Variants in HSPB6 observed in about 807,000 individuals in gnomAD.
The protein encoded by HSPB6 is heat shock protein beta-6.
Under a neutral mutation model 10.7 loss-of-function variants are expected in HSPB6, and 8 were observed. The observed-to-expected ratio is 0.75, with a 90% CI of 0.44 to 1.35. HSPB6 has a LOEUF of 1.35. Among genes scored for constraint, HSPB6 ranks in the 40% most tolerant of loss-of-function variants. HSPB6 has a pLI of 0.00. For missense variants in HSPB6, 232 were observed against 236.0 expected (o/e 0.98, Z 0.11); for synonymous variants, 128 against 114.2 (o/e 1.12, Z -0.77).
At position 35,755,263 on chromosome 19, in the gene HSPB6, G is replaced by GT. The variant is rs897910588; in HGVS notation, c.*258dup. 9 of 649,514 alleles carry GT rather than the reference G, an allele frequency of 1.4e-5. No individual in the cohort carries two copies. The African/African-American group carries it at 1.5e-4, about 11-fold the overall frequency. 40.2% of individuals were successfully genotyped at this position (649,514 alleles called of 1,614,324 possible). A position where few individuals can be genotyped will look rare whatever the true frequency, so the allele number is the denominator to read the frequency against. ...CTGAGACTGTCGGCTGAGGGTTAGG[G>GT]TAGTGCTGGTAGGGTCTGGAAGCCG... On this transcript the variant is annotated 3_prime_UTR_variant, in exon 3 of 3. Coordinates refer to ENST00000004982, the MANE Select transcript of HSPB6 (RefSeq NM_144617.3).
chr19:35,756,738 T>C (rs1205172006), intron 1 of HSPB6, 73 bp downstream of exon 1: 2 of 1,455,478 alleles, frequency 1.4e-6, no homozygotes, highest in African/African-American at 2.8e-5. Flanking sequence ...TTCTCTCACA[T>C]GTTCCCACCC....
rs1353240058 is a variant in HSPB6, at chr19:35,754,841, C to T, written c.*681G>A. Reference sequence around the variant, plus strand: ...GGAGGTTGGGGTGGGAGAGTCTGTACAGTTTGGTGTTGGGTGTTCTAGTTG... The same window carrying T: ...GGAGGTTGGGGTGGGAGAGTCTGTATAGTTTGGTGTTGGGTGTTCTAGTTG... On this transcript the variant is annotated 3_prime_UTR_variant, in exon 3 of 3. Coordinates refer to ENST00000004982, the MANE Select transcript of HSPB6 (RefSeq NM_144617.3). The T allele has an allele frequency of 8.1e-6, 3 of 369,864 alleles. No individual in the cohort carries two copies. Among genetic ancestry groups the T allele is most frequent in the Admixed American group, 3.9e-5 (1 of 25,424 alleles). 22.9% of individuals were successfully genotyped at this position (369,864 alleles called of 1,614,324 possible).
In HSPB6 at chr19:35,756,821, G is replaced by A; in HGVS notation, c.188C>T (p.Pro63Leu). 1 of 1,536,072 alleles carries A rather than the reference G, an allele frequency of 6.5e-7. No homozygotes were observed. The highest frequency in any genetic ancestry group is 8.7e-7 in the Non-Finnish European group (1 of 1,146,636). ...YYLRAPSVAL[P>L]VAQVPTDPGH... is the part of the protein sequence containing the mutation. ...CCCCAGGCCTGGCACCTGGGCGACG[G>A]GCAGCGCCACGCTGGGTGCGCGCAG... The change falls in exon 1 of 3, where the codon CCC becomes CTC. Residue 63 changes from proline (P) to leucine (L), a missense_variant. Physicochemically the swap from Pro to Leu is moderately conservative, Grantham distance 98. Coordinates refer to ENST00000004982, the MANE Select transcript of HSPB6 (RefSeq NM_144617.3).
In HSPB6 at chr19:35,755,547, G is replaced by T. The variant is rs1479469357; in HGVS notation, c.458C>A (p.Ala153Asp). The T allele has an allele frequency of 1.6e-5, 24 of 1,525,834 alleles. No homozygotes were observed. Among genetic ancestry groups the T allele is most frequent in the Non-Finnish European group, 2.1e-5 (24 of 1,141,648 alleles). The allele number at this position is 1,525,834 out of a possible 1,614,324, so 94.5% of individuals were successfully genotyped here. The change falls in exon 3 of 3, where the codon GCC becomes GAC. Residue 153 changes from alanine (A) to aspartate (D), a missense_variant. Coordinates refer to ENST00000004982, the MANE Select transcript of HSPB6 (RefSeq NM_144617.3). ...SIQAAPASAQ[A>D]PPPAAAK ...CTACTTGGCTGCGGCTGGCGGTGGG[G>T]CCTGGGCCGACGCTGGTGCGGCCTG...
intron 1 of HSPB6, 135 bp downstream of exon 1, chr19:35,756,676 C>A: frequency 1.1e-6 from 1 of 881,312 alleles, no homozygotes; most frequent in Admixed American, 2.2e-5. Flanking sequence ...CCATTGACTC[C>A]GGAAGCCCTT....
chr19:35,756,612 C>A (rs372081428), intron 1 of HSPB6, among the ~76,000 whole-genome samples, 199 bp downstream of exon 1: 145 of 152,280 alleles, frequency 9.5e-4, no homozygotes, highest in African/African-American at 3.2e-3. Flanking sequence ...CCCCGCCCCC[C>A]ACCTAAGAGC....
rs758747030 is a variant in HSPB6, at chr19:35,755,451, C to G, written c.*71G>C. On this transcript the variant is annotated 3_prime_UTR_variant, in exon 3 of 3. Coordinates refer to ENST00000004982, the MANE Select transcript of HSPB6 (RefSeq NM_144617.3). ...GGCGCACTCGGGACATCTGGCTGGG[C>G]GGAGTCAGATCGGCTTTAATAGAGG... 2 of 1,450,338 alleles carry G rather than the reference C, an allele frequency of 1.4e-6. No homozygotes were observed. Among genetic ancestry groups the G allele is most frequent in the Non-Finnish European group, 1.9e-6 (2 of 1,071,648 alleles). 89.8% of individuals were successfully genotyped at this position (1,450,338 alleles called of 1,614,324 possible). A position where few individuals can be genotyped will look rare whatever the true frequency, so the allele number is the denominator to read the frequency against.
rs1239847675 is a variant in HSPB6, at chr19:35,755,306, G to A, written c.*216C>T. Reference sequence around the variant, plus strand: ...GGAAGCCGGGGAGTTGTCGGTGTGGGGTCGGAAAGCTGGAGGGGGTGTGAG... The same window carrying A: ...GGAAGCCGGGGAGTTGTCGGTGTGGAGTCGGAAAGCTGGAGGGGGTGTGAG... On this transcript the variant is annotated 3_prime_UTR_variant, in exon 3 of 3. Transcript: ENST00000004982. The A allele has an allele frequency of 1.5e-6, 1 of 683,782 alleles. No homozygotes were observed. The highest frequency in any genetic ancestry group is 2.6e-6 in the Non-Finnish European group (1 of 380,882). The allele number at this position is 683,782 out of a possible 1,614,324, so 42.4% of individuals were successfully genotyped here. A position where few individuals can be genotyped will look rare whatever the true frequency, so the allele number is the denominator to read the frequency against.
In HSPB6 at chr19:35,756,874, G is replaced by C; in HGVS notation, c.135C>G (p.Leu45=). ...AGTAGGGGGCGAGCGTGGTGGGGCA[G>C]AGCGCAGCCAGCTCGGCCTCCAGCA... ...EGLLEAELAA[L]CPTTLAPYYL... is the part of the protein sequence containing the mutation. The change falls in exon 1 of 3, where the codon CTC becomes CTG. Residue 45 remains leucine (L), a synonymous_variant. Coordinates refer to ENST00000004982, the MANE Select transcript of HSPB6 (RefSeq NM_144617.3). The C allele has an allele frequency of 6.5e-7, 1 of 1,537,566 alleles. No homozygotes were observed. The highest frequency in any genetic ancestry group is 1.2e-5 in the South Asian group (1 of 83,870).
chr19:35,754,981 C>T lies in HSPB6; in HGVS notation c.*541G>A. The T allele has an allele frequency of 3.8e-6, 1 of 260,956 alleles. No homozygotes were observed. Among genetic ancestry groups the T allele is most frequent in the Non-Finnish European group, 7.3e-6 (1 of 137,922 alleles). 16.2% of individuals were successfully genotyped at this position (260,956 alleles called of 1,614,324 possible). ...GGGGCAGTTGTAGACTGTCTGGTTG[C>T]AGGGGAAGGATCGGGTCTTGGGAAC... On this transcript the variant is annotated 3_prime_UTR_variant, in exon 3 of 3. Coordinates refer to ENST00000004982, the MANE Select transcript of HSPB6 (RefSeq NM_144617.3).
chr19:35,755,047 G>A lies in HSPB6; in HGVS notation c.*475C>T, dbSNP rs1213889589. The A allele has an allele frequency of 3.9e-5, 12 of 304,080 alleles. No homozygotes were observed. In the East Asian group the frequency reaches 1.4e-3, roughly 36 times the overall value. 18.8% of individuals were successfully genotyped at this position (304,080 alleles called of 1,614,324 possible). A position where few individuals can be genotyped will look rare whatever the true frequency, so the allele number is the denominator to read the frequency against. On this transcript the variant is annotated 3_prime_UTR_variant, in exon 3 of 3. Coordinates refer to ENST00000004982, the MANE Select transcript of HSPB6 (RefSeq NM_144617.3). Reference sequence around the variant, plus strand: ...TGGAGTGGGAGGTCTGTGCAGTCCAGGACGTTTGGGGGGTGGGGGGATTGT... The same window carrying A: ...TGGAGTGGGAGGTCTGTGCAGTCCAAGACGTTTGGGGGGTGGGGGGATTGT...
At position 35,755,209 on chromosome 19, in the gene HSPB6, C is replaced by T. The variant is rs1970737700; in HGVS notation, c.*313G>A. On this transcript the variant is annotated 3_prime_UTR_variant, in exon 3 of 3. Coordinates refer to ENST00000004982, the MANE Select transcript of HSPB6 (RefSeq NM_144617.3). Reference sequence around the variant, plus strand: ...AGTAGAGGAGGGGTCTTAAGTGGGGCTATATGCCAAGAAAGTGGGTCGGTG... The same window carrying T: ...AGTAGAGGAGGGGTCTTAAGTGGGGTTATATGCCAAGAAAGTGGGTCGGTG... 1 of 546,504 alleles carries T rather than the reference C, an allele frequency of 1.8e-6. No individual in the cohort carries two copies. The highest frequency in any genetic ancestry group is 2.0e-5 in the African/African-American group (1 of 49,350). 33.9% of individuals were successfully genotyped at this position (546,504 alleles called of 1,614,324 possible).
Position 35,754,716 on chromosome 19 carries a change from A to T in HSPB6, c.*806T>A. 3.5e-6 allele frequency: 2 copies of T among 568,108 alleles called. No individual in the cohort carries two copies. The highest frequency in any genetic ancestry group is 1.9e-5 in the African/African-American group (1 of 52,408). 35.2% of individuals were successfully genotyped at this position (568,108 alleles called of 1,614,324 possible). A position where few individuals can be genotyped will look rare whatever the true frequency, so the allele number is the denominator to read the frequency against. ...GAGGGTGGGAGGTGGGTTGCCGAGG[A>T]TATCTGGTTGAAGACTTGGGGGTCA... On this transcript the variant is annotated 3_prime_UTR_variant, in exon 3 of 3. Coordinates refer to ENST00000004982, the MANE Select transcript of HSPB6 (RefSeq NM_144617.3).
Position 35,756,825 on chromosome 19 carries a change from G to A in HSPB6, c.184C>T (p.Leu62=), listed in dbSNP as rs1483779827. The A allele has an allele frequency of 1.3e-6, 2 of 1,536,232 alleles. No homozygotes were observed. Among genetic ancestry groups the A allele is most frequent in the South Asian group, 2.4e-5 (2 of 83,924 alleles). The change falls in exon 1 of 3, where the codon CTG becomes TTG. Residue 62 remains leucine, a synonymous_variant. Transcript: ENST00000004982. ...AGGCCTGGCACCTGGGCGACGGGCA[G>A]CGCCACGCTGGGTGCGCGCAGGTAG... is the stretch of plus-strand genomic sequence containing the variant. ...PYYLRAPSVA[L]PVAQVPTDPG...
At position 35,755,322 on chromosome 19, in the gene HSPB6, G is replaced by C. The variant is rs370292442; in HGVS notation, c.*200C>G. ...TCGGTGTGGGGTCGGAAAGCTGGAGGGGGTGTGAGAGCGAGGGTGTCAGTG... is the reference window on the plus strand; with the variant it reads ...TCGGTGTGGGGTCGGAAAGCTGGAGCGGGTGTGAGAGCGAGGGTGTCAGTG... On this transcript the variant is annotated 3_prime_UTR_variant, in exon 3 of 3. Coordinates refer to ENST00000004982, the MANE Select transcript of HSPB6 (RefSeq NM_144617.3). The C allele has an allele frequency of 4.3e-6, 3 of 699,604 alleles. No individual in the cohort carries two copies. The highest frequency in any genetic ancestry group is 7.7e-6 in the Non-Finnish European group (3 of 391,124). The allele number at this position is 699,604 out of a possible 1,614,324, so 43.3% of individuals were successfully genotyped here.
Position 35,755,889 on chromosome 19 carries a change from C to T in HSPB6, c.204G>A (p.Pro68=), listed in dbSNP as rs770582031. The T allele has an allele frequency of 1.6e-5, 25 of 1,566,106 alleles. No homozygotes were observed. The highest frequency in any genetic ancestry group is 4.5e-4 in the Middle Eastern group (2 of 4,492). The change falls in exon 2 of 3, where the codon CCG becomes CCA. Residue 68 remains proline (P), a synonymous_variant. Coordinates refer to ENST00000004982, the MANE Select transcript of HSPB6 (RefSeq NM_144617.3). ...GCACCGAAAAGTGGCCGGGGTCCGT[C>T]GGCACCTGAGCGCAGCGGGCGCGGG... is the stretch of plus-strand genomic sequence containing the variant. ...PSVALPVAQV[P]TDPGHFSVLL... is the part of the protein sequence containing the mutation.
At position 35,756,781 on chromosome 19, in the gene HSPB6, G is replaced by A. The variant is rs1401136555; in HGVS notation, c.198+30C>T. 2.6e-6 allele frequency: 4 copies of A among 1,532,806 alleles called. No homozygotes were observed. The African/African-American group carries it at 4.1e-5, about 16-fold the overall frequency. The allele number at this position is 1,532,806 out of a possible 1,614,324, so 95.0% of individuals were successfully genotyped here. On this transcript the variant is annotated intron_variant, in intron 1 of 2. Transcript: ENST00000004982. The stretch of plus-strand genomic sequence containing the variant: ...CCCCAGACCCCTGGCAATGGAAGTG[G>A]TCGAGTTCACCCCTCCCCAGGCCTG...
In HSPB6 at chr19:35,756,874, G is replaced by A. The variant is rs766478369; in HGVS notation, c.135C>T (p.Leu45=). The part of the protein sequence containing the change: ...EGLLEAELAA[L]CPTTLAPYYL... The stretch of plus-strand genomic sequence containing the variant: ...AGTAGGGGGCGAGCGTGGTGGGGCA[G>A]AGCGCAGCCAGCTCGGCCTCCAGCA... Residue 45 remains leucine, a synonymous_variant, in exon 1 of 3, where the codon CTC becomes CTT. Coordinates refer to ENST00000004982, the MANE Select transcript of HSPB6 (RefSeq NM_144617.3). 6.1e-5 allele frequency: 94 copies of A among 1,537,566 alleles called. No homozygotes were observed. The Middle Eastern group carries it at 4.1e-3, about 67-fold the overall frequency.
Position 35,754,948 on chromosome 19 carries a change from G to T in HSPB6, c.*574C>A, listed in dbSNP as rs1292411027. 6 of 295,650 alleles carry T rather than the reference G, an allele frequency of 2.0e-5. No homozygotes were observed. The highest frequency in any genetic ancestry group is 4.4e-5 in the African/African-American group (2 of 45,726). 18.3% of individuals were successfully genotyped at this position (295,650 alleles called of 1,614,324 possible). ...GGCTGGGGTTTCACGGCAGAAAATG[G>T]GCTGGAGGGGGCAGTTGTAGACTGT... is the stretch of plus-strand genomic sequence containing the variant. On this transcript the variant is annotated 3_prime_UTR_variant, in exon 3 of 3. Coordinates refer to ENST00000004982, the MANE Select transcript of HSPB6 (RefSeq NM_144617.3).
Sources: allele counts gnomAD v4.1 joint callset (sites outside exome capture counted in the v4.1 genomes callset), GRCh38; gene constraint gnomAD v4.1.1; transcripts MANE v1.5; gene names NCBI Gene and HGNC (gene_info 2026-07-23, HGNC 2026-07-21).